ANKS1B: variants seen among roughly 807,000 people sequenced by gnomAD.
The protein encoded by ANKS1B is ankyrin repeat and sterile alpha motif domain-containing protein 1B.
In ANKS1B, 36 loss-of-function variants were observed where a neutral mutation model predicts 148.3. The ratio of observed to expected loss-of-function variants is 0.24; its 90% CI spans 0.19 to 0.32. The LOEUF (loss-of-function observed/expected upper bound fraction) is 0.32. Ranked by LOEUF, ANKS1B falls within the 10% of genes least tolerant of loss-of-function variation. The probability of loss-of-function intolerance (pLI) is 1.00; values close to 1 mark genes in which losing one functional copy is unlikely to be tolerated. For synonymous variants in ANKS1B, 542 were observed against 560.8 expected, an observed-to-expected ratio of 0.97 and a Z score of 0.47; for missense variants, 1,157 against 1,542.6, an observed-to-expected ratio of 0.75 and a Z score of 4.19.
intron 12 of ANKS1B, among the ~76,000 whole-genome samples, chr12:99,303,127 C>A (rs890124804): frequency 2.6e-5 from 4 of 152,072 alleles, no homozygotes; most frequent in Non-Finnish European, 4.4e-5. Flanking sequence ...ACCTCTAAGA[C>A]AGCCATGTGA....
chr12:98,860,725 G>T (rs149454), intron 17 of ANKS1B, among the ~76,000 whole-genome samples: 25,072 of 152,098 alleles, frequency 0.16, 2,921 homozygotes, highest in East Asian at 0.5. Flanking sequence ...CCTGTCAGGG[G>T]TCAGGGGGAG....
At chr12:99,626,075 A>G (rs751134343) in intron 9 of ANKS1B, among the ~76,000 whole-genome samples, 1 of 152,146 alleles carries the variant, frequency 6.6e-6, no homozygotes. Context: ...TGAGACTGCT[A>G]TATTGACTAT....
intron 17 of ANKS1B, among the ~76,000 whole-genome samples, chr12:98,981,974 T>A (rs2099911603): frequency 1.3e-5 from 2 of 152,198 alleles, no homozygotes; most frequent in Admixed American, 1.3e-4. Context: ...AAATGGCTAC[T>A]TTATAAAGGA....
At chr12:99,604,815 CAAAAAA>C (rs150262116) in intron 9 of ANKS1B, among the ~76,000 whole-genome samples, 1 of 81,108 alleles carries the variant, frequency 1.2e-5, no homozygotes, top group African/African-American at 4.4e-5. Context: ...AACTCTATCT[CAAAAAA>C]AAAAAAAAAA....
chr12:99,525,337 T>G (rs1596347249), intron 9 of ANKS1B, among the ~76,000 whole-genome samples: 1 of 152,162 alleles, frequency 6.6e-6, no homozygotes, highest in African/African-American at 2.4e-5. Flanking sequence ...CAATACAGTT[T>G]CCCTCCAACT....
intron 9 of ANKS1B, among the ~76,000 whole-genome samples, chr12:99,621,348 C>T (rs1300741019): frequency 1.3e-5 from 2 of 151,212 alleles, no homozygotes; most frequent in East Asian, 1.9e-4. Context: ...ATAGAAACTA[C>T]AAAGCAACCA....
At chr12:99,291,327 T>C (rs2079940356) in intron 12 of ANKS1B, among the ~76,000 whole-genome samples, 3 of 152,166 alleles carry the variant, frequency 2.0e-5, no homozygotes, top group Admixed American at 1.3e-4. Context: ...ACCAAAGCTA[T>C]GTGCAGATTC....
At chr12:98,875,817 G>A (rs2152445400) in intron 17 of ANKS1B, among the ~76,000 whole-genome samples, 1 of 152,210 alleles carries the variant, frequency 6.6e-6, no homozygotes, top group East Asian at 1.9e-4. Flanking sequence ...TTGGTTTTGT[G>A]GGCAGCATAG....
intron 17 of ANKS1B, among the ~76,000 whole-genome samples, chr12:98,986,559 C>T (rs2099923506): frequency 6.6e-6 from 1 of 152,050 alleles, no homozygotes; most frequent in Non-Finnish European, 1.5e-5. Context: ...GACTTTCTCT[C>T]TACTGAAATT....
At chr12:99,761,078 A>AAAAAC (rs2062061129) in intron 8 of ANKS1B, among the ~76,000 whole-genome samples, 1 of 149,984 alleles carries the variant, frequency 6.7e-6, no homozygotes, top group Non-Finnish European at 1.5e-5. Flanking sequence ...AAAAAAAAAA[A>AAAAAC]AAAAACCCTG....
chr12:99,755,193 AAAC>A (rs1400421067), intron 8 of ANKS1B, among the ~76,000 whole-genome samples: 1 of 152,120 alleles, frequency 6.6e-6, no homozygotes, highest in Non-Finnish European at 1.5e-5. Flanking sequence ...ATAGAAATGC[AAAC>A]AACCATCAAA....
At chr12:99,071,815 T>G (rs2046373488) in intron 16 of ANKS1B, among the ~76,000 whole-genome samples, 1 of 151,968 alleles carries the variant, frequency 6.6e-6, no homozygotes, top group Non-Finnish European at 1.5e-5. Context: ...CCAGGCTACT[T>G]TTGCTATTTT....
At chr12:98,738,514 CCACTCGAGG>C (rs1308788178) in intron 9 of ANKS1B, among the ~76,000 whole-genome samples, 6 of 152,296 alleles carry the variant, frequency 3.9e-5, no homozygotes, top group African/African-American at 1.2e-4. Context: ...TATCGCCGCT[CCACTCGAGG>C]CACTGCCCAA....
intron 11 of ANKS1B, among the ~76,000 whole-genome samples, chr12:99,414,549 G>A (rs2094830357): frequency 6.6e-6 from 1 of 152,146 alleles, no homozygotes; most frequent in African/African-American, 2.4e-5. Flanking sequence ...GATGAAGCTG[G>A]AAACCATCAT....
intron 9 of ANKS1B, among the ~76,000 whole-genome samples, chr12:99,570,519 T>C (rs1337817580): frequency 6.6e-6 from 1 of 151,754 alleles, no homozygotes; most frequent in Non-Finnish European, 1.5e-5. Context: ...TGGTGGCGGG[T>C]GCCTGTAGTC....
rs563133669 is a variant in ANKS1B, at chr12:98,812,266, T to C, written c.3067-4348A>G. ...GTAAAGCTAGAGCCAGACTTAGGTA[T>C]GTTTAGATACACAAATACTCACCAT... On this transcript the variant is annotated intron_variant, in intron 19 of 26. Transcript: ENST00000683438. Among the ~76,000 whole-genome samples, 15 of 152,286 alleles carry C rather than the reference T, an allele frequency of 9.8e-5. No individual in the cohort carries two copies. The South Asian group carries it at 3.1e-3, about 32-fold the overall frequency.
intron 1 of ANKS1B, among the ~76,000 whole-genome samples, chr12:99,883,860 G>C (rs1032099860): frequency 6.6e-6 from 1 of 152,184 alleles, no homozygotes; most frequent in Non-Finnish European, 1.5e-5. Context: ...AGGTTGTAGT[G>C]AGCTGACATC....
At chr12:99,900,505 C>CAAAAAAAAA (rs71303560) in intron 1 of ANKS1B, among the ~76,000 whole-genome samples, 1 of 70,732 alleles carries the variant, frequency 1.4e-5, no homozygotes, top group African/African-American at 4.0e-5. Flanking sequence ...GACTCCATCT[C>CAAAAAAAAA]AAAAAAAAAA....
intron 17 of ANKS1B, among the ~76,000 whole-genome samples, chr12:98,962,280 C>T (rs2099872709): frequency 1.3e-5 from 2 of 151,302 alleles, no homozygotes; most frequent in African/African-American, 4.8e-5. Flanking sequence ...GCAAGAATAG[C>T]TATACATATA....
Sources: allele counts gnomAD v4.1 joint callset (sites outside exome capture counted in the v4.1 genomes callset), GRCh38; gene constraint gnomAD v4.1.1; transcripts MANE v1.5; gene names NCBI Gene and HGNC (gene_info 2026-07-23, HGNC 2026-07-21).